Variants in DDX24 observed in about 807,000 individuals in gnomAD.
The protein encoded by DDX24 is ATP-dependent RNA helicase DDX24.
A neutral mutation model predicts 68.9 loss-of-function variants in DDX24; 24 were observed. The ratio of observed to expected loss-of-function variants is 0.35; its 90% CI spans 0.25 to 0.49. The LOEUF (loss-of-function observed/expected upper bound fraction) is 0.49. DDX24 is among the 20% of genes least tolerant of loss of function. DDX24 has a pLI of 0.99. For synonymous variants in DDX24, 395 were observed against 385.2 expected, an observed-to-expected ratio of 1.03 and a Z score of -0.30; for missense variants, 989 against 1,039.0, an observed-to-expected ratio of 0.95 and a Z score of 0.66.
chr14:94,060,132 G>A lies in DDX24; in HGVS notation c.1879C>T (p.Leu627Phe), dbSNP rs1595374844. The A allele has an allele frequency of 6.2e-7, 1 of 1,613,658 alleles. No individual in the cohort carries two copies. The highest frequency in any genetic ancestry group is 1.1e-5 in the South Asian group (1 of 91,072). The change falls in exon 5 of 9, where the codon CTC becomes TTC. Residue 627 changes from leucine to phenylalanine, a missense_variant. Transcript: ENST00000621632. ...CGGGCAAACTGCTCCAGGTTTCTGA[G>A]CCTCTGCTTCTGGTGCATACAGGCA... ...LHACMHQKQRLRNLEQFARLE... is the reference protein window; with the variant it reads ...LHACMHQKQRFRNLEQFARLE...
At chr14:94,071,417 G>A (rs1052435508) in intron 2 of DDX24, among the ~76,000 whole-genome samples, 7 of 152,204 alleles carry the variant, frequency 4.6e-5, no homozygotes, top group African/African-American at 1.7e-4. Flanking sequence ...CGGAGGTTGA[G>A]GTGGGCAGAT....
At chr14:94,064,909 G>A (rs1210068359) in intron 2 of DDX24, among the ~76,000 whole-genome samples, 3 of 152,160 alleles carry the variant, frequency 2.0e-5, no homozygotes, top group Non-Finnish European at 4.4e-5. Context: ...AACCTGTAAG[G>A]AATGACACTA....
intron 7 of DDX24, among the ~76,000 whole-genome samples, chr14:94,053,805 G>T (rs996360035): frequency 4.6e-5 from 7 of 151,950 alleles, no homozygotes; most frequent in Non-Finnish European, 1.0e-4. Flanking sequence ...CATGAGCAAA[G>T]CTCCGTCTCA....
chr14:94,057,886 A>G lies in DDX24; in HGVS notation c.1925T>C (p.Leu642Ser). 1.2e-6 allele frequency: 2 copies of G among 1,614,046 alleles called. No homozygotes were observed. The highest frequency in any genetic ancestry group is 1.7e-6 in the Non-Finnish European group (2 of 1,179,954). The change falls in exon 6 of 9, where the codon TTG becomes TCG. Residue 642 changes from leucine (L) to serine (S), a missense_variant. Coordinates refer to ENST00000621632, the MANE Select transcript of DDX24 (RefSeq NM_020414.4). ...ACCCCGAGCTGCCACATCTGTTGCCAAGAGAACACAGCTGGGGTAGAGAGA... is the reference window on the plus strand; with the variant it reads ...ACCCCGAGCTGCCACATCTGTTGCCGAGAGAACACAGCTGGGGTAGAGAGA... ...QFARLEDCVL[L>S]ATDVAARGLD... is the part of the protein sequence containing the mutation.
intron 2 of DDX24, among the ~76,000 whole-genome samples, chr14:94,065,955 C>T (rs1323669439): frequency 1.3e-5 from 2 of 152,220 alleles, no homozygotes; most frequent in African/African-American, 4.8e-5. Context: ...AAGGCATTCT[C>T]TAGCCAAATT....
At chr14:94,076,481 G>T (rs1012465825) in intron 2 of DDX24, among the ~76,000 whole-genome samples, 1 of 152,070 alleles carries the variant, frequency 6.6e-6, no homozygotes, top group Non-Finnish European at 1.5e-5. Context: ...AGGAGTTTGC[G>T]ACCAGCCTGA....
In DDX24 at chr14:94,048,702, C is replaced by A. The variant is rs1469047965; in HGVS notation, c.*2489G>T. ...GCACTGCAGATGGGGAAGCATGTCACCTTGGCAGTGACTCGGTGGCTTCCC... is the reference window on the plus strand; with the variant it reads ...GCACTGCAGATGGGGAAGCATGTCAACTTGGCAGTGACTCGGTGGCTTCCC... On this transcript the variant is annotated 3_prime_UTR_variant, in exon 9 of 9. Coordinates refer to ENST00000621632, the MANE Select transcript of DDX24 (RefSeq NM_020414.4). The A allele has an allele frequency of 1.3e-5, 2 of 152,234 alleles. No individual in the cohort carries two copies. Among genetic ancestry groups the A allele is most frequent in the Non-Finnish European group, 2.9e-5 (2 of 68,052 alleles). The allele number at this position is 152,234 out of a possible 1,614,324, so 9.4% of individuals were successfully genotyped here.
At position 94,068,112 on chromosome 14, in the gene DDX24, G is replaced by A. The variant is rs530698598; in HGVS notation, c.719-5491C>T. 5.3e-5 allele frequency among the ~76,000 whole-genome samples: 8 copies of A among 152,248 alleles called. No homozygotes were observed. The East Asian group carries it at 1.5e-3, about 29-fold the overall frequency. ...TCAACCAACTATCTGCTGCCTTCAG[G>A]AGACTCATCTAACACATAAGGACTC... On this transcript the variant is annotated intron_variant, in intron 2 of 8. Coordinates refer to ENST00000621632, the MANE Select transcript of DDX24 (RefSeq NM_020414.4).
rs1167648621 is a variant in DDX24, at chr14:94,057,639, G to A, written c.1989+183C>T. 5.4e-6 allele frequency: 3 copies of A among 556,380 alleles called. No individual in the cohort carries two copies. The African/African-American group carries it at 5.8e-5, about 11-fold the overall frequency. The allele number at this position is 556,380 out of a possible 1,614,324, so 34.5% of individuals were successfully genotyped here. On this transcript the variant is annotated intron_variant, in intron 6 of 8. Transcript: ENST00000621632. ...GGCTACTTGACATGAGACAAAGCAA[G>A]GTTTTCTGGAGACCAAATCTCAGCA...
intron 2 of DDX24, 158 bp downstream of exon 2, chr14:94,078,867 A>G: frequency 1.3e-6 from 1 of 740,758 alleles, no homozygotes; most frequent in South Asian, 1.9e-5. Flanking sequence ...CAAGAAGAGC[A>G]TATTTCAAAC....
intron 2 of DDX24, among the ~76,000 whole-genome samples, chr14:94,067,640 G>A (rs1355333307): frequency 6.6e-6 from 1 of 152,186 alleles, no homozygotes; most frequent in African/African-American, 2.4e-5. Context: ...AGACATCTCA[G>A]GAGAAACCCT....
chr14:94,066,054 A>G (rs934550521), intron 2 of DDX24, among the ~76,000 whole-genome samples: 2 of 152,208 alleles, frequency 1.3e-5, no homozygotes, highest in Non-Finnish European at 2.9e-5. Context: ...CTTCACAGGT[A>G]GGGGAAGAAC....
intron 1 of DDX24, 35 bp from the exon 2 acceptor site, chr14:94,079,782 T>C: frequency 6.3e-7 from 1 of 1,582,596 alleles, no homozygotes; most frequent in Admixed American, 1.7e-5. Context: ...TAGGTTGGTG[T>C]CTGAGAAGCA....
At position 94,060,403 on chromosome 14, in the gene DDX24, G is replaced by C; in HGVS notation, c.1608C>G (p.Asp536Glu). ...TKKMDKTAKL[D>E]LLMQKIGMRG... is the part of the protein sequence containing the mutation. The stretch of plus-strand genomic sequence containing the variant: ...TCATGCCAATTTTCTGCATAAGGAG[G>C]TCAAGTTTGGCTGTTTTATCCATTT... Residue 536 changes from aspartate to glutamate, a missense_variant, in exon 5 of 9, where the codon GAC becomes GAG. By Grantham distance (45) the Asp-to-Glu change is conservative. Coordinates refer to ENST00000621632, the MANE Select transcript of DDX24 (RefSeq NM_020414.4). The C allele has an allele frequency of 6.2e-7, 1 of 1,614,172 alleles. No homozygotes were observed. The highest frequency in any genetic ancestry group is 8.5e-7 in the Non-Finnish European group (1 of 1,180,036).
chr14:94,081,005 C>T (rs977350822), intron 1 of DDX24, 114 bp downstream of exon 1: 9 of 152,288 alleles, frequency 5.9e-5, no homozygotes, highest in African/African-American at 2.2e-4. Flanking sequence ...CCGGCGGCCG[C>T]CCTCTCTGGA....
At chr14:94,074,887 T>TA (rs530606808) in intron 2 of DDX24, among the ~76,000 whole-genome samples, 1 of 152,058 alleles carries the variant, frequency 6.6e-6, no homozygotes, top group Non-Finnish European at 1.5e-5. Flanking sequence ...CAATCGGAAA[T>TA]AAAAAATTTT....
intron 3 of DDX24, among the ~76,000 whole-genome samples, chr14:94,061,697 A>G (rs949944802): frequency 6.6e-6 from 1 of 152,234 alleles, no homozygotes; most frequent in African/African-American, 2.4e-5. Context: ...ACTAGTGAAC[A>G]TTACTGACCT....
chr14:94,059,807 G>C (rs529472773), intron 5 of DDX24, among the ~76,000 whole-genome samples: 1 of 152,270 alleles, frequency 6.6e-6, no homozygotes, highest in Non-Finnish European at 1.5e-5. Flanking sequence ...ATGTGATTCT[G>C]AATCTAAAGT....
chr14:94,067,584 A>G (rs1885730220), intron 2 of DDX24, among the ~76,000 whole-genome samples: 1 of 152,232 alleles, frequency 6.6e-6, no homozygotes, highest in African/African-American at 2.4e-5. Flanking sequence ...GCTGTGAGAC[A>G]GAAGCACCAG....
Sources: allele counts gnomAD v4.1 joint callset (sites outside exome capture counted in the v4.1 genomes callset), GRCh38; gene constraint gnomAD v4.1.1; transcripts MANE v1.5; gene names NCBI Gene and HGNC (gene_info 2026-07-23, HGNC 2026-07-21).